FAAH2: variants seen among roughly 807,000 people sequenced by gnomAD.
FAAH2 encodes the protein fatty acid amide hydrolase 2.
A neutral mutation model predicts 36.9 loss-of-function variants in FAAH2; 60 were observed. The ratio of observed to expected loss-of-function variants is 1.63; its 90% confidence interval spans 1.32 to 2.02. FAAH2 has a LOEUF of 2.02. Among genes scored for constraint, FAAH2 ranks in the 30% most tolerant of loss-of-function variants. The pLI, the probability that FAAH2 is intolerant of heterozygous loss-of-function variation, is 0.00. For missense variants in FAAH2, 689 were observed against 397.5 expected (o/e 1.73, Z -6.23); for synonymous variants, 214 against 143.8 (o/e 1.49, Z -3.49).
At chrX:57,398,545 AC>A (rs2055357679) in intron 7 of FAAH2, among the ~76,000 whole-genome samples, 1 of 108,473 alleles carries the variant, frequency 9.2e-6, no homozygotes, top group Non-Finnish European at 1.9e-5. Flanking sequence ...TGTTCATTTA[AC>A]TTTTTTTTTT....
At chrX:57,123,624 G>T in the FAAH2 span, among the ~76,000 whole-genome samples, 5 of 112,224 alleles carry the variant, frequency 4.5e-5, no homozygotes, top group Admixed American at 2.8e-4. Flanking sequence ...CACCAACAGT[G>T]TAAAAGTGTT....
At chrX:57,268,281 G>A in the FAAH2 span, among the ~76,000 whole-genome samples, 2 of 111,114 alleles carry the variant, frequency 1.8e-5, no homozygotes, top group African/African-American at 6.5e-5. Flanking sequence ...CTAAAATAAG[G>A]CAGGCAGACA....
In FAAH2 at chrX:57,432,016, A is replaced by ATGAT. The variant is rs1246982781; in HGVS notation, c.1095_1096insTGAT (p.Ala366Ter). 1.7e-6 allele frequency: 2 copies of ATGAT among 1,203,679 alleles called. No homozygotes were observed. The highest frequency in any genetic ancestry group is 4.4e-5 in the Admixed American group (2 of 45,504). On this transcript the variant is annotated stop_gained and frameshift_variant, in exon 8 of 11. Transcript: ENST00000374900. LOFTEE classifies it high-confidence loss of function. ...TTCAGTTGTGGATCGCAATGATGTC[A>ATGAT]GCAAAGGGACATGATGGGAAGGTAT...
At chrX:57,250,029 A>G in the FAAH2 span, among the ~76,000 whole-genome samples, 3 of 111,897 alleles carry the variant, frequency 2.7e-5, no homozygotes, top group Non-Finnish European at 3.8e-5. Flanking sequence ...TACCATGAAG[A>G]CTTCATAAAA....
intron 7 of FAAH2, among the ~76,000 whole-genome samples, chrX:57,429,282 T>A (rs1303146969): frequency 1.9e-5 from 2 of 102,793 alleles, no homozygotes; most frequent in Admixed American, 1.1e-4. Context: ...GAGCTTGCAG[T>A]GAGCCCAGAT....
the FAAH2 span, among the ~76,000 whole-genome samples, chrX:57,250,673 G>T: frequency 9.1e-6 from 1 of 109,620 alleles, no homozygotes; most frequent in Non-Finnish European, 1.9e-5. Flanking sequence ...AAAAACAGGA[G>T]ATATTACAAT....
chrX:57,480,563 C>T (rs752211199), intron 10 of FAAH2, among the ~76,000 whole-genome samples: 1 of 111,725 alleles, frequency 9.0e-6, no homozygotes, highest in Non-Finnish European at 1.9e-5. Flanking sequence ...TGAATGTTTG[C>T]CCCCACTGTC....
At chrX:57,396,032 C>G (rs768496524) in intron 7 of FAAH2, among the ~76,000 whole-genome samples, 1 of 111,709 alleles carries the variant, frequency 9.0e-6, no homozygotes, top group African/African-American at 3.2e-5. Flanking sequence ...TGTTATTGGT[C>G]TGTTTAGGAT....
intron 3 of FAAH2, among the ~76,000 whole-genome samples, chrX:57,322,216 T>A (rs1439840245): frequency 1.8e-5 from 2 of 111,472 alleles, no homozygotes; most frequent in African/African-American, 6.5e-5. Context: ...GGTCTCGATC[T>A]TCTGACCTCG....
the FAAH2 span, among the ~76,000 whole-genome samples, chrX:57,266,269 C>A: frequency 1.8e-5 from 2 of 112,081 alleles, no homozygotes; most frequent in African/African-American, 6.5e-5. Context: ...AGGCTGCTAT[C>A]TTTGTTGTTT....
intron 7 of FAAH2, among the ~76,000 whole-genome samples, chrX:57,412,897 CTTG>C (rs2055738536): frequency 8.9e-6 from 1 of 112,240 alleles, no homozygotes. Flanking sequence ...TGTTTCCTGA[CTTG>C]TTAATGATCG....
At chrX:57,432,148 AAGTAAAAT>A (rs1157903072) in intron 8 of FAAH2, 111 bp downstream of exon 8, 1 of 640,024 alleles carries the variant, frequency 1.6e-6, no homozygotes, top group East Asian at 4.1e-5. Flanking sequence ...TGAAAAAAAT[AAGTAAAAT>A]AGTAAAATAT....
intron 2 of FAAH2, among the ~76,000 whole-genome samples, chrX:57,299,583 A>G (rs1175280120): frequency 8.9e-6 from 1 of 112,057 alleles, no homozygotes; most frequent in African/African-American, 3.2e-5. Context: ...CCTATTCAAC[A>G]TAGTGTTGGA....
chrX:57,161,506 T>C, the FAAH2 span, among the ~76,000 whole-genome samples: 1 of 111,515 alleles, frequency 9.0e-6, no homozygotes, highest in Non-Finnish European at 1.9e-5. Flanking sequence ...AGTCTCTTTG[T>C]AGGTCACTAA....
intron 5 of FAAH2, among the ~76,000 whole-genome samples, chrX:57,343,553 C>T (rs961454518): frequency 1.8e-5 from 2 of 111,397 alleles, no homozygotes; most frequent in Non-Finnish European, 3.8e-5. Flanking sequence ...TGAATATTTT[C>T]TCCCATTCTG....
chrX:57,335,979 G>T (rs897810250), intron 4 of FAAH2, among the ~76,000 whole-genome samples: 7 of 111,546 alleles, frequency 6.3e-5, no homozygotes, highest in Non-Finnish European at 1.3e-4. Context: ...GTTTCAGGGA[G>T]CACAAGGTTG....
chrX:57,255,203 A>G, the FAAH2 span, among the ~76,000 whole-genome samples: 386 of 111,884 alleles, frequency 3.4e-3, 2 homozygotes, highest in African/African-American at 0.012. Context: ...CTGGACACAT[A>G]CACCCTCCCA....
chrX:57,279,168 G>T, the FAAH2 span, among the ~76,000 whole-genome samples: 1 of 112,246 alleles, frequency 8.9e-6, no homozygotes, highest in Non-Finnish European at 1.9e-5. Flanking sequence ...GTTTATTGTG[G>T]CACTATTCAC....
At chrX:57,278,776 C>T in the FAAH2 span, among the ~76,000 whole-genome samples, 117 of 111,630 alleles carry the variant, frequency 1.0e-3, no homozygotes, top group Middle Eastern at 4.6e-3. Context: ...CAAAAAAACA[C>T]ATTAAAATTT....
Sources: allele counts gnomAD v4.1 joint callset (sites outside exome capture counted in the v4.1 genomes callset), GRCh38; gene constraint gnomAD v4.1.1; transcripts MANE v1.5; gene names NCBI Gene and HGNC (gene_info 2026-07-23, HGNC 2026-07-21).